Variants in STK3 observed in about 807,000 individuals in gnomAD.
The protein encoded by STK3 is serine/threonine kinase 3.
Under a neutral mutation model 58.0 loss-of-function variants are expected in STK3, and 41 were observed. The observed-to-expected ratio is 0.71, with a 90% CI of 0.55 to 0.92. STK3 has a LOEUF of 0.92. Among genes scored for constraint, STK3 ranks in the 40% least tolerant of loss-of-function variants. The probability of loss-of-function intolerance (pLI) is 0.00; values close to 1 mark genes in which losing one functional copy is unlikely to be tolerated. For synonymous variants in STK3, 170 were observed against 191.0 expected (o/e 0.89, Z 0.91); for missense variants, 479 against 602.7 (o/e 0.79, Z 2.15).
intron 2 of STK3, among the ~76,000 whole-genome samples, chr8:98,375,368 ACT>A (rs1433045519): frequency 2.0e-5 from 3 of 152,184 alleles, no homozygotes; most frequent in South Asian, 4.2e-4. Context: ...AATAGATAAA[ACT>A]CTCTGTCTTC....
At chr8:98,885,719 C>T (rs373861279) in intron 1 of STK3, among the ~76,000 whole-genome samples, 5 of 152,190 alleles carry the variant, frequency 3.3e-5, no homozygotes, top group African/African-American at 7.2e-5. Flanking sequence ...GGATTACAGG[C>T]GTGAGCCACC....
At chr8:98,729,243 A>G (rs915617438) in intron 4 of STK3, among the ~76,000 whole-genome samples, 13 of 152,146 alleles carry the variant, frequency 8.5e-5, no homozygotes, top group Middle Eastern at 3.4e-3. Context: ...CCCGGCAGCT[A>G]GGATTACAGG....
At chr8:98,683,356 C>T (rs1168427482) in intron 6 of STK3, among the ~76,000 whole-genome samples, 5 of 151,820 alleles carry the variant, frequency 3.3e-5, no homozygotes, top group Non-Finnish European at 4.4e-5. Flanking sequence ...GTTGTAAGTA[C>T]AACACTTATT....
chr8:98,523,973 T>G (rs930358005), intron 10 of STK3, among the ~76,000 whole-genome samples: 2 of 152,222 alleles, frequency 1.3e-5, no homozygotes, highest in Non-Finnish European at 2.9e-5. Context: ...TCCTACTAAT[T>G]TTTTAGTTTT....
At chr8:98,749,114 T>A (rs975692722) in intron 4 of STK3, among the ~76,000 whole-genome samples, 162 bp downstream of exon 4, 3 of 151,990 alleles carry the variant, frequency 2.0e-5, no homozygotes, top group African/African-American at 7.2e-5. Flanking sequence ...TACAGAAAGA[T>A]ATGTGGCTGG....
chr8:98,712,473 G>C (rs1183207160), intron 4 of STK3, among the ~76,000 whole-genome samples: 1 of 151,188 alleles, frequency 6.6e-6, no homozygotes, highest in African/African-American at 2.4e-5. Flanking sequence ...AAAAAGGCAG[G>C]GGTTGCAATC....
Position 98,792,568 on chromosome 8 carries a change from C to T in STK3, c.27-17749G>A, listed in dbSNP as rs183929732. On this transcript the variant is annotated intron_variant, in intron 1 of 10. Coordinates refer to ENST00000419617, the MANE Select transcript of STK3 (RefSeq NM_006281.4). The stretch of plus-strand genomic sequence containing the variant: ...ATACAAAATTAGCTGGGCATGGTGG[C>T]GCATGCCTGTAATCCCAGCTACTTG... 8.6e-3 allele frequency among the ~76,000 whole-genome samples: 1,308 copies of T among 152,172 alleles called. 10 individuals are homozygous for T. The highest frequency in any genetic ancestry group is 0.03 in the African/African-American group (1,227 of 41,502).
At chr8:98,442,865 T>TG (rs561485006) in intron 1 of STK3, among the ~76,000 whole-genome samples, 55 of 152,334 alleles carry the variant, frequency 3.6e-4, no homozygotes, top group Non-Finnish European at 4.7e-4. Context: ...TTTTTAGTAC[T>TG]GTGGTTGGGT....
At chr8:98,855,211 C>T (rs762895319) in intron 3 of STK3, among the ~76,000 whole-genome samples, 4 of 152,110 alleles carry the variant, frequency 2.6e-5, no homozygotes, top group Non-Finnish European at 5.9e-5. Flanking sequence ...TCCAGAGTAG[C>T]CAAAACAATT....
chr8:98,373,613 G>A (rs1217113406), intron 2 of STK3, among the ~76,000 whole-genome samples: 5 of 152,200 alleles, frequency 3.3e-5, no homozygotes, highest in Non-Finnish European at 7.3e-5. Flanking sequence ...ATGGACCCAG[G>A]ACTGAACCCA....
intron 1 of STK3, among the ~76,000 whole-genome samples, chr8:98,793,892 ATC>A (rs943257570): frequency 4.6e-5 from 7 of 152,180 alleles, no homozygotes; most frequent in African/African-American, 1.7e-4. Flanking sequence ...TACCATGAAG[ATC>A]TCTCAGAACC....
At chr8:98,362,204 A>C in the STK3 span, among the ~76,000 whole-genome samples, 1 of 151,858 alleles carries the variant, frequency 6.6e-6, no homozygotes. Flanking sequence ...CCTTTGAGAG[A>C]ATGTAGAGAC....
chr8:98,834,619 A>G (rs1055600603), intron 3 of STK3, among the ~76,000 whole-genome samples: 2 of 152,216 alleles, frequency 1.3e-5, no homozygotes, highest in Non-Finnish European at 2.9e-5. Flanking sequence ...CAACTTCCTG[A>G]TTCATAGACA....
At chr8:98,490,560 C>A (rs891709721) in intron 10 of STK3, among the ~76,000 whole-genome samples, 6 of 152,194 alleles carry the variant, frequency 3.9e-5, no homozygotes, top group Non-Finnish European at 5.9e-5. Context: ...AACCCCCAAT[C>A]CCTAACTATA....
chr8:98,679,397 T>G (rs1360605259), intron 6 of STK3, among the ~76,000 whole-genome samples: 1 of 152,218 alleles, frequency 6.6e-6, no homozygotes, highest in Non-Finnish European at 1.5e-5. Context: ...AGTATCATCT[T>G]CTCAATGAGG....
At chr8:98,912,752 A>G (rs777839344) in intron 1 of STK3, among the ~76,000 whole-genome samples, 2 of 152,250 alleles carry the variant, frequency 1.3e-5, no homozygotes, top group Non-Finnish European at 2.9e-5. Flanking sequence ...ATTCAGAACT[A>G]TAAGACCAAG....
chr8:98,490,446 A>AG (rs1822598496), intron 10 of STK3, among the ~76,000 whole-genome samples: 6 of 152,160 alleles, frequency 3.9e-5, no homozygotes, highest in Middle Eastern at 3.4e-3. Flanking sequence ...AATAGCTGAC[A>AG]CTCTTTTTTC....
chr8:98,743,620 A>G (rs2131327062), intron 4 of STK3, among the ~76,000 whole-genome samples: 1 of 152,304 alleles, frequency 6.6e-6, no homozygotes, highest in South Asian at 2.1e-4. Flanking sequence ...TAGACCTAAA[A>G]CCATAACAAC....
chr8:98,820,191 T>C (rs1488790872), intron 1 of STK3, among the ~76,000 whole-genome samples: 2 of 152,184 alleles, frequency 1.3e-5, no homozygotes, highest in South Asian at 2.1e-4. Context: ...ACCCCTAACA[T>C]ATGACTTCAA....
Sources: gnomAD v4.1 joint callset for allele counts (sites outside exome capture counted in the v4.1 genomes callset) on GRCh38, gnomAD v4.1.1 for gene constraint, MANE v1.5 for transcripts, NCBI Gene and HGNC (gene_info 2026-07-23, HGNC 2026-07-21) for gene names.